Variants in KCND2 observed in about 807,000 individuals in gnomAD.
KCND2 encodes potassium voltage-gated channel subfamily D member 2, also known as A-type voltage-gated potassium channel KCND2.
In KCND2, 16 loss-of-function variants were observed where a neutral mutation model predicts 54.4. The observed-to-expected ratio is 0.29, with a 90% confidence interval of 0.20 to 0.45. KCND2 has a LOEUF of 0.45. KCND2 is among the 20% of genes least tolerant of loss of function. The pLI is 1.00. For missense variants in KCND2, 486 were observed against 824.2 expected (o/e 0.59, Z 5.02); for synonymous variants, 317 against 310.7 (o/e 1.02, Z -0.21).
In KCND2 at chr7:120,273,439, C is replaced by A. The variant is rs1799112430; in HGVS notation, c.-1194C>A. Among the ~76,000 whole-genome samples the A allele has an allele frequency of 1.3e-5, 2 of 149,078 alleles. No individual in the cohort carries two copies. Among genetic ancestry groups the A allele is most frequent in the Admixed American group, 6.7e-5 (1 of 14,968 alleles). ...CCCCGCAGCCCCGCCGCCCCGCAGC[C>A]CCGCACCGCGCTGGCCAGGCTCCCG... On this transcript the variant is annotated 5_prime_UTR_variant, in exon 1 of 6. Coordinates refer to ENST00000331113, the MANE Select transcript of KCND2 (RefSeq NM_012281.3).
rs1393358310 is a variant in KCND2, at chr7:120,462,326, T to G, written c.1115+186579T>G. Among the ~76,000 whole-genome samples the G allele has an allele frequency of 3.3e-5, 5 of 152,126 alleles. No individual in the cohort carries two copies. The East Asian group carries it at 9.7e-4, about 29-fold the overall frequency. The stretch of plus-strand genomic sequence containing the variant: ...AGGTTATTAAACTTGAGAAAATTAA[T>G]AAAAATTGAGTATCATCCTTTTTTA... On this transcript the variant is annotated intron_variant, in intron 1 of 5. Coordinates refer to ENST00000331113, the MANE Select transcript of KCND2 (RefSeq NM_012281.3).
At chr7:120,439,351 C>G (rs1021865280) in intron 1 of KCND2, among the ~76,000 whole-genome samples, 2 of 151,986 alleles carry the variant, frequency 1.3e-5, no homozygotes, top group Non-Finnish European at 2.9e-5. Context: ...GATCCAAACA[C>G]AGAAGCACTT....
chr7:120,542,292 A>T (rs751556011), intron 1 of KCND2, among the ~76,000 whole-genome samples: 3 of 152,202 alleles, frequency 2.0e-5, no homozygotes, highest in Non-Finnish European at 4.4e-5. Context: ...ATAATTTTTA[A>T]GTAATTTAGA....
chr7:120,512,912 G>T (rs927836679), intron 1 of KCND2, among the ~76,000 whole-genome samples: 2 of 150,320 alleles, frequency 1.3e-5, no homozygotes, highest in Admixed American at 6.7e-5. Flanking sequence ...CCTGTGCCTC[G>T]GCCTCCTTAG....
intron 1 of KCND2, among the ~76,000 whole-genome samples, chr7:120,645,840 T>G (rs1340245019): frequency 6.6e-6 from 1 of 152,150 alleles, no homozygotes; most frequent in Admixed American, 6.5e-5. Flanking sequence ...TAATATAGGG[T>G]TTTGTGTTCA....
chr7:120,484,092 G>A (rs1040521842), intron 1 of KCND2, among the ~76,000 whole-genome samples: 19 of 152,234 alleles, frequency 1.2e-4, no homozygotes, highest in African/African-American at 1.7e-4. Context: ...GACGCAAAGT[G>A]AGAAACTCTC....
rs1213227007 is a variant in KCND2 at position 120,273,394 on chromosome 7, C to G, written c.-1239C>G. On this transcript the variant is annotated 5_prime_UTR_variant, in exon 1 of 6. Transcript: ENST00000331113. The stretch of plus-strand genomic sequence containing the variant: ...GGCCCCGGCCCCGGCCCCACCGCGC[C>G]AACGCCGCCCGCCCGGCCGCCCCGC... 6.8e-6 allele frequency among the ~76,000 whole-genome samples: 1 copy of G among 147,674 alleles called. No homozygotes were observed. Among genetic ancestry groups the G allele is most frequent in the African/African-American group, 2.4e-5 (1 of 40,954 alleles).
intron 1 of KCND2, among the ~76,000 whole-genome samples, chr7:120,730,292 T>G (rs1347465909): frequency 1.3e-5 from 2 of 152,074 alleles, no homozygotes; most frequent in African/African-American, 4.8e-5. Context: ...GCATAATCAG[T>G]GTGAAGGGGA....
chr7:120,346,646 C>G (rs997936415), intron 1 of KCND2, among the ~76,000 whole-genome samples: 1 of 151,880 alleles, frequency 6.6e-6, no homozygotes, highest in East Asian at 1.9e-4. Context: ...TGCTTTTTCT[C>G]TTTTTCAATT....
At chr7:120,675,228 T>TTTTG (rs959783734) in intron 1 of KCND2, among the ~76,000 whole-genome samples, 252 of 151,934 alleles carry the variant, frequency 1.7e-3, no homozygotes, top group African/African-American at 5.7e-3. Flanking sequence ...TTCTACTGCT[T>TTTTG]TTTGTTTGTT....
intron 1 of KCND2, among the ~76,000 whole-genome samples, chr7:120,279,860 G>A (rs1016813980): frequency 6.6e-6 from 1 of 151,714 alleles, no homozygotes; most frequent in Admixed American, 6.6e-5. Context: ...TTATTAAAGA[G>A]AAGGATAAAC....
intron 1 of KCND2, among the ~76,000 whole-genome samples, chr7:120,306,445 T>C (rs559558373): frequency 3.7e-4 from 57 of 152,110 alleles, no homozygotes; most frequent in African/African-American, 1.2e-3. Context: ...TTTTAAAAAA[T>C]AGACAAAACA....
intron 2 of KCND2, among the ~76,000 whole-genome samples, chr7:120,734,858 G>A (rs967377103): frequency 2.6e-5 from 4 of 152,166 alleles, no homozygotes; most frequent in Admixed American, 2.6e-4. Context: ...TTATTCACTG[G>A]CTTTGTAGGT....
At chr7:120,313,703 CTCT>C (rs1372863906) in intron 1 of KCND2, among the ~76,000 whole-genome samples, 1 of 147,798 alleles carries the variant, frequency 6.8e-6, no homozygotes, top group African/African-American at 2.5e-5. Flanking sequence ...TGAAGCATTG[CTCT>C]TCTTTAGAAA....
intron 1 of KCND2, among the ~76,000 whole-genome samples, chr7:120,575,482 T>C (rs1056121234): frequency 2.0e-5 from 3 of 152,188 alleles, no homozygotes; most frequent in African/African-American, 4.8e-5. Flanking sequence ...CCCACCCAGA[T>C]TGAGGGTGGG....
At chr7:120,400,356 C>T (rs1375061942) in intron 1 of KCND2, among the ~76,000 whole-genome samples, 3 of 152,112 alleles carry the variant, frequency 2.0e-5, no homozygotes, top group African/African-American at 7.2e-5. Context: ...CAGCAAACAA[C>T]CATACTCCAA....
intron 1 of KCND2, among the ~76,000 whole-genome samples, chr7:120,644,026 T>A (rs1361860793): frequency 6.6e-6 from 1 of 152,082 alleles, no homozygotes; most frequent in Non-Finnish European, 1.5e-5. Flanking sequence ...CAAAATGAAC[T>A]TTGGTGAAAG....
chr7:120,630,283 G>T (rs1182681168), intron 1 of KCND2, among the ~76,000 whole-genome samples: 1 of 152,116 alleles, frequency 6.6e-6, no homozygotes, highest in Non-Finnish European at 1.5e-5. Context: ...ATTGACCGAG[G>T]CACTATAGTA....
chr7:120,714,318 A>G (rs1050059156), intron 1 of KCND2, among the ~76,000 whole-genome samples: 2 of 152,090 alleles, frequency 1.3e-5, no homozygotes, highest in African/African-American at 4.8e-5. Context: ...TTGACAAAAA[A>G]AAATAAATTA....
Sources: allele counts gnomAD v4.1 joint callset (sites outside exome capture counted in the v4.1 genomes callset), GRCh38; gene constraint gnomAD v4.1.1; transcripts MANE v1.5; gene names NCBI Gene and HGNC (gene_info 2026-07-23, HGNC 2026-07-21).